The following NFIB variants were observed in gnomAD, a reference collection of about 807,000 sequenced individuals.
The protein encoded by NFIB is nuclear factor I B.
In NFIB, 11 loss-of-function variants were observed where a neutral mutation model predicts 61.5. That is an observed-to-expected ratio of 0.18 (90% CI 0.11 to 0.30). NFIB has a LOEUF of 0.30. Among genes scored for constraint, NFIB ranks in the 10% least tolerant of loss-of-function variants. NFIB has a pLI of 1.00. For missense variants in NFIB, 471 were observed against 608.9 expected, an observed-to-expected ratio of 0.77 and a Z score of 2.38; for synonymous variants, 260 against 216.5, an observed-to-expected ratio of 1.20 and a Z score of -1.76.
chr9:14,155,062 T>G (rs1467915825), intron 4 of NFIB, among the ~76,000 whole-genome samples: 4 of 152,154 alleles, frequency 2.6e-5, no homozygotes, highest in Non-Finnish European at 4.4e-5. Context: ...GGTGAAAATA[T>G]ACCCTTCAAA....
the NFIB span, among the ~76,000 whole-genome samples, chr9:14,461,854 A>G: frequency 6.6e-6 from 1 of 152,246 alleles, no homozygotes; most frequent in Non-Finnish European, 1.5e-5. Flanking sequence ...AAAAAGATGT[A>G]TTAATGGCAT....
At chr9:14,504,224 C>G in the NFIB span, among the ~76,000 whole-genome samples, 1,591 of 152,326 alleles carry the variant, frequency 0.01, 12 homozygotes, top group Non-Finnish European at 0.014. Context: ...GTTTTGGTGA[C>G]TATGGCCTTA....
intron 2 of NFIB, among the ~76,000 whole-genome samples, chr9:14,275,373 T>A (rs551111664): frequency 6.6e-6 from 1 of 152,334 alleles, no homozygotes; most frequent in African/African-American, 2.4e-5. Flanking sequence ...ATATCAGTTC[T>A]GGGATTTTCG....
intron 2 of NFIB, among the ~76,000 whole-genome samples, chr9:14,193,481 G>A (rs1395910374): frequency 1.3e-5 from 2 of 152,094 alleles, no homozygotes; most frequent in East Asian, 1.9e-4. Context: ...ATACATCAAC[G>A]TAAGAATAAT....
intron 2 of NFIB, among the ~76,000 whole-genome samples, chr9:14,208,098 T>C (rs543248906): frequency 1.3e-5 from 2 of 152,228 alleles, no homozygotes; most frequent in Non-Finnish European, 2.9e-5. Flanking sequence ...AATAGTTTTA[T>C]ACCCCAAAAG....
At chr9:14,377,145 A>G (rs991244497) in intron 1 of NFIB, among the ~76,000 whole-genome samples, 5 of 152,256 alleles carry the variant, frequency 3.3e-5, no homozygotes, top group African/African-American at 1.2e-4. Flanking sequence ...CACAAGTGTT[A>G]ACACACATAC....
In NFIB at chr9:14,306,976, A is replaced by T; in HGVS notation, c.562+13T>A. Reference sequence around the variant, plus strand: ...TGTTTGCCGTGCTAGAAAAAAGAACAATCTGCTCCTACCTTGCTCCTGCAC... The same window carrying T: ...TGTTTGCCGTGCTAGAAAAAAGAACTATCTGCTCCTACCTTGCTCCTGCAC... On this transcript the variant is annotated intron_variant, in intron 2 of 10. Coordinates refer to ENST00000380953, the MANE Select transcript of NFIB (RefSeq NM_001190737.2). 1.2e-6 allele frequency: 2 copies of T among 1,612,188 alleles called. No homozygotes were observed. The highest frequency in any genetic ancestry group is 1.7e-6 in the Non-Finnish European group (2 of 1,178,490).
intron 2 of NFIB, among the ~76,000 whole-genome samples, chr9:14,215,519 T>C (rs1412821913): frequency 6.6e-6 from 1 of 152,216 alleles, no homozygotes; most frequent in East Asian, 1.9e-4. Context: ...AAATTTAAAA[T>C]GCACCTTGAT....
chr9:14,271,356 T>A (rs966726647), intron 2 of NFIB, among the ~76,000 whole-genome samples: 2 of 152,048 alleles, frequency 1.3e-5, no homozygotes, highest in Non-Finnish European at 2.9e-5. Context: ...GTACTGTTTA[T>A]TCTATGTGAA....
chr9:14,405,492 T>C, the NFIB span, among the ~76,000 whole-genome samples: 152 of 152,336 alleles, frequency 1.0e-3, no homozygotes, highest in African/African-American at 3.6e-3. Context: ...ATCTATGTTA[T>C]GCGGTGGCAA....
the NFIB span, among the ~76,000 whole-genome samples, chr9:14,460,753 G>A: frequency 6.6e-6 from 1 of 152,016 alleles, no homozygotes; most frequent in Non-Finnish European, 1.5e-5. Flanking sequence ...ATTTGATAGT[G>A]TCTCTCCCCT....
chr9:14,145,227 T>C (rs981760840), intron 6 of NFIB, among the ~76,000 whole-genome samples: 2 of 152,076 alleles, frequency 1.3e-5, no homozygotes, highest in African/African-American at 4.8e-5. Context: ...GTGCACTGTG[T>C]CCAGCCACAT....
At chr9:14,131,192 T>C (rs2040360954) in intron 6 of NFIB, among the ~76,000 whole-genome samples, 1 of 152,172 alleles carries the variant, frequency 6.6e-6, no homozygotes, top group Non-Finnish European at 1.5e-5. Flanking sequence ...AAATTAGCTA[T>C]GACTTTAGAA....
At chr9:14,482,364 C>G in the NFIB span, among the ~76,000 whole-genome samples, 1 of 152,090 alleles carries the variant, frequency 6.6e-6, no homozygotes, top group African/African-American at 2.4e-5. Context: ...GAGGGGATAT[C>G]GTGTTATGTC....
intron 1 of NFIB, among the ~76,000 whole-genome samples, chr9:14,344,108 A>AG (rs2060988361): frequency 3.5e-4 from 50 of 141,556 alleles, no homozygotes; most frequent in African/African-American, 1.3e-3. Context: ...GAGAGAGAGA[A>AG]AGAGAGAGAG....
At chr9:14,291,444 C>G (rs2132541030) in intron 2 of NFIB, among the ~76,000 whole-genome samples, 1 of 152,232 alleles carries the variant, frequency 6.6e-6, no homozygotes, top group Admixed American at 6.5e-5. Flanking sequence ...AAGATCACGC[C>G]ACTGCACTCC....
intron 10 of NFIB, among the ~76,000 whole-genome samples, chr9:14,092,112 T>C (rs2034018704): frequency 6.6e-6 from 1 of 152,142 alleles, no homozygotes; most frequent in Non-Finnish European, 1.5e-5. Flanking sequence ...AAGTACTGTA[T>C]TTCTTCTAGG....
chr9:14,441,457 T>C, the NFIB span, among the ~76,000 whole-genome samples: 1 of 152,236 alleles, frequency 6.6e-6, no homozygotes, highest in Non-Finnish European at 1.5e-5. Flanking sequence ...GTGCTTATAG[T>C]GAAACCTTAT....
chr9:14,301,696 G>A (rs915217773), intron 2 of NFIB, among the ~76,000 whole-genome samples: 2 of 152,124 alleles, frequency 1.3e-5, no homozygotes, highest in African/African-American at 4.8e-5. Context: ...GGCAACTGGG[G>A]CCTCAGAGTT....
Sources: gnomAD v4.1 joint callset for allele counts (sites outside exome capture counted in the v4.1 genomes callset) on GRCh38, gnomAD v4.1.1 for gene constraint, MANE v1.5 for transcripts, NCBI Gene and HGNC (gene_info 2026-07-23, HGNC 2026-07-21) for gene names.